The following ANK3 variants were observed in gnomAD, a reference collection of about 807,000 sequenced individuals.
The protein encoded by ANK3 is ankyrin 3.
ANK3 carries 57 observed loss-of-function variants against 370.9 expected under a neutral mutation model. That is an observed-to-expected ratio of 0.15 (90% CI 0.12 to 0.19). The LOEUF is 0.19. Among genes scored for constraint, ANK3 ranks in the 10% least tolerant of loss-of-function variants. The pLI is 1.00. For missense variants in ANK3, 4,439 were observed against 5,302.1 expected, an observed-to-expected ratio of 0.84 and a Z score of 5.06; for synonymous variants, 1,929 against 1,946.3, an observed-to-expected ratio of 0.99 and a Z score of 0.23.
Position 60,122,255 on chromosome 10 carries a change from G to T in ANK3, c.2842-7924C>A, listed in dbSNP as rs144381693. ...GTATCTGAATGATAGATTTGGGAAAGGTAGCCAGGAAGGTTCTGCTCAGAT... is the reference window on the plus strand; with the variant it reads ...GTATCTGAATGATAGATTTGGGAAATGTAGCCAGGAAGGTTCTGCTCAGAT... On this transcript the variant is annotated intron_variant, in intron 25 of 43. Coordinates refer to ENST00000280772, the MANE Select transcript of ANK3 (RefSeq NM_020987.5). Among the ~76,000 whole-genome samples, 35 of 152,352 alleles carry T rather than the reference G, an allele frequency of 2.3e-4. No individual in the cohort carries two copies. The Middle Eastern group carries it at 0.01, about 44-fold the overall frequency.
At chr10:60,513,209 T>C (rs1321628554) in intron 2 of ANK3, among the ~76,000 whole-genome samples, 1 of 152,166 alleles carries the variant, frequency 6.6e-6, no homozygotes, top group Non-Finnish European at 1.5e-5. Flanking sequence ...CCATAGGTTA[T>C]GTTCAATATT....
At chr10:60,243,473 G>C (rs1423783838) in intron 7 of ANK3, among the ~76,000 whole-genome samples, 1 of 152,112 alleles carries the variant, frequency 6.6e-6, no homozygotes, top group East Asian at 1.9e-4. Context: ...CCGCCATCTT[G>C]ACAAGGCCCT....
intron 1 of ANK3, among the ~76,000 whole-genome samples, chr10:60,691,887 T>C (rs928017965): frequency 7.9e-5 from 12 of 152,200 alleles, no homozygotes; most frequent in Non-Finnish European, 2.9e-5. Context: ...TGCATGCATA[T>C]ACACGTGTAC....
intron 1 of ANK3, among the ~76,000 whole-genome samples, chr10:60,643,245 A>G (rs1215477488): frequency 1.3e-5 from 2 of 152,068 alleles, no homozygotes; most frequent in African/African-American, 4.8e-5. Flanking sequence ...AGGCAGACCC[A>G]CTCCTAATCT....
At chr10:60,569,384 A>G (rs2077538592) in intron 2 of ANK3, among the ~76,000 whole-genome samples, 1 of 152,154 alleles carries the variant, frequency 6.6e-6, no homozygotes, top group Non-Finnish European at 1.5e-5. Flanking sequence ...AGAAAAAGAG[A>G]GTTTGATTCA....
intron 1 of ANK3, among the ~76,000 whole-genome samples, chr10:60,314,303 A>T (rs966652033): frequency 2.6e-5 from 4 of 152,190 alleles, no homozygotes; most frequent in Non-Finnish European, 4.4e-5. Flanking sequence ...TCATTTTCCC[A>T]GTTAATTTTC....
chr10:60,103,012 G>C (rs1346166092), intron 28 of ANK3, among the ~76,000 whole-genome samples: 1 of 151,842 alleles, frequency 6.6e-6, no homozygotes, highest in East Asian at 1.9e-4. Context: ...GTGCAGTGGC[G>C]CGATCTTGGC....
At chr10:60,466,451 T>C (rs1287328168) in intron 2 of ANK3, among the ~76,000 whole-genome samples, 6 of 152,208 alleles carry the variant, frequency 3.9e-5, no homozygotes, top group African/African-American at 1.4e-4. Flanking sequence ...ATTGTAATGA[T>C]ATAAGAAGCC....
At chr10:60,525,803 G>A (rs534393008) in intron 2 of ANK3, among the ~76,000 whole-genome samples, 8 of 152,206 alleles carry the variant, frequency 5.3e-5, no homozygotes, top group Admixed American at 2.6e-4. Flanking sequence ...AAATGCATGC[G>A]AACGCACTTT....
At chr10:60,522,347 T>TC (rs1555386319) in intron 2 of ANK3, among the ~76,000 whole-genome samples, 1 of 14,552 alleles carries the variant, frequency 6.9e-5, no homozygotes, top group Non-Finnish European at 2.0e-4. Context: ...ATATTGAGAC[T>TC]TTTTTTTTTT....
chr10:60,547,486 C>T (rs2076992762), intron 2 of ANK3, among the ~76,000 whole-genome samples: 1 of 152,034 alleles, frequency 6.6e-6, no homozygotes, highest in Non-Finnish European at 1.5e-5. Context: ...ACCTCCACCT[C>T]CTGGGTTCAA....
At chr10:60,516,799 C>T (rs2133173495) in intron 2 of ANK3, among the ~76,000 whole-genome samples, 1 of 152,108 alleles carries the variant, frequency 6.6e-6, no homozygotes, top group Non-Finnish European at 1.5e-5. Flanking sequence ...TTAAAATGCA[C>T]CAACACTCCA....
chr10:60,354,626 C>T (rs2057441837), intron 1 of ANK3, among the ~76,000 whole-genome samples: 1 of 152,176 alleles, frequency 6.6e-6, no homozygotes, highest in Non-Finnish European at 1.5e-5. Flanking sequence ...ATTTCACTTG[C>T]AAATCCCAGA....
intron 16 of ANK3, among the ~76,000 whole-genome samples, chr10:60,190,849 A>G (rs1053291015): frequency 2.6e-5 from 4 of 152,244 alleles, no homozygotes; most frequent in Non-Finnish European, 5.9e-5. Flanking sequence ...ACAAGGCTAT[A>G]GTAACCAAAA....
intron 1 of ANK3, among the ~76,000 whole-genome samples, chr10:60,719,917 T>C (rs1218498235): frequency 6.6e-6 from 1 of 152,218 alleles, no homozygotes; most frequent in Non-Finnish European, 1.5e-5. Flanking sequence ...TCATAGACTT[T>C]AGCTGCTATC....
intron 1 of ANK3, among the ~76,000 whole-genome samples, chr10:60,332,349 T>G (rs1566644219): frequency 6.6e-6 from 1 of 152,238 alleles, no homozygotes; most frequent in Non-Finnish European, 1.5e-5. Flanking sequence ...TAGGACACAA[T>G]TTCTTTTTAG....
chr10:60,525,868 G>A (rs750120339), intron 2 of ANK3, among the ~76,000 whole-genome samples: 12 of 152,182 alleles, frequency 7.9e-5, no homozygotes, highest in South Asian at 2.1e-4. Context: ...CTTATTCTGC[G>A]CAGATGTGAA....
At chr10:60,285,382 CA>C (rs1340439666) in intron 1 of ANK3, among the ~76,000 whole-genome samples, 2 of 152,118 alleles carry the variant, frequency 1.3e-5, no homozygotes, top group Non-Finnish European at 2.9e-5. Context: ...GCACTTCTGG[CA>C]AAACAGTTTC....
rs71015794 is a variant in ANK3, at chr10:60,468,997, G to GTATATATATATATATATA, written c.96+146171_96+146188dup. Among the ~76,000 whole-genome samples the GTATATATATATATATATA allele has an allele frequency of 6.4e-4, 15 of 23,256 alleles. 1 individual carries two copies. Among genetic ancestry groups the GTATATATATATATATATA allele is most frequent in the African/African-American group, 2.4e-3 (14 of 5,874 alleles). The allele number at this position is 23,256 out of a possible 152,430, so 15.3% of individuals were successfully genotyped here. ...ACTATATATATACCACTTTTAGTGT[G>GTATATATATATATATATA]TATATATATATATATATATATACCA... On this transcript the variant is annotated intron_variant, in intron 2 of 43. Coordinates refer to the ANK3 transcript ENST00000373827.
Sources: allele counts gnomAD v4.1 joint callset (sites outside exome capture counted in the v4.1 genomes callset), GRCh38; gene constraint gnomAD v4.1.1; transcripts MANE v1.5; gene names NCBI Gene and HGNC (gene_info 2026-07-23, HGNC 2026-07-21).